CSMD1: variants seen among roughly 807,000 people sequenced by gnomAD.
CSMD1 encodes CUB and Sushi multiple domains 1, also known as CUB and sushi domain-containing protein 1.
CSMD1 carries 213 observed loss-of-function variants against 417.5 expected under a neutral mutation model. The ratio of observed to expected loss-of-function variants is 0.51; its 90% confidence interval spans 0.46 to 0.57. The LOEUF (loss-of-function observed/expected upper bound fraction) is 0.57. CSMD1 is among the 20% of genes least tolerant of loss of function. CSMD1 has a pLI of 0.00. For synonymous variants in CSMD1, 2,862 were observed against 1,736.8 expected, an observed-to-expected ratio of 1.65 and a Z score of -16.11; for missense variants, 6,923 against 4,529.7, an observed-to-expected ratio of 1.53 and a Z score of -15.17.
In CSMD1 at chr8:4,473,314, A is replaced by G. The variant is rs1358508459; in HGVS notation, c.303-53249T>C. Among the ~76,000 whole-genome samples, 5 of 152,302 alleles carry G rather than the reference A, an allele frequency of 3.3e-5. No individual in the cohort carries two copies. In the East Asian group the frequency reaches 9.6e-4, roughly 29 times the overall value. On this transcript the variant is annotated intron_variant, in intron 2 of 69. Coordinates refer to ENST00000635120, the MANE Select transcript of CSMD1 (RefSeq NM_033225.6). ...ACAATCAATGTGAGTTCTTAACACA[A>G]AAGGAGGGAAAATCAGCAGAGACAA... is the stretch of plus-strand genomic sequence containing the variant.
At chr8:4,824,075 T>C (rs1717142400) in intron 1 of CSMD1, among the ~76,000 whole-genome samples, 1 of 122,572 alleles carries the variant, frequency 8.2e-6, no homozygotes, top group Non-Finnish European at 1.7e-5. Context: ...CATACACAAA[T>C]AAATATCCAC....
chr8:4,613,723 G>A (rs1039599592), intron 2 of CSMD1, among the ~76,000 whole-genome samples: 3 of 152,016 alleles, frequency 2.0e-5, no homozygotes, highest in South Asian at 2.1e-4. Flanking sequence ...GAAAAAAATA[G>A]AAGACTGAAT....
intron 26 of CSMD1, among the ~76,000 whole-genome samples, chr8:3,277,069 A>G (rs906116812): frequency 1.1e-4 from 17 of 152,216 alleles, no homozygotes; most frequent in Admixed American, 5.2e-4. Flanking sequence ...AAGGCGGGGA[A>G]GGTCAGTCCA....
intron 1 of CSMD1, among the ~76,000 whole-genome samples, chr8:4,650,656 TA>T (rs3990383): frequency 0.046 from 6,819 of 148,508 alleles, 393 homozygotes; most frequent in African/African-American, 0.13. Flanking sequence ...GGCCTTGAGT[TA>T]AAAAAAAAAA....
intron 3 of CSMD1, among the ~76,000 whole-genome samples, chr8:4,359,943 C>G (rs145851926): frequency 2.2e-4 from 34 of 152,292 alleles, no homozygotes; most frequent in African/African-American, 7.5e-4. Context: ...GAATGCTTCC[C>G]TACTGGAGAT....
chr8:3,220,338 C>T (rs1186755209), intron 28 of CSMD1, among the ~76,000 whole-genome samples: 1 of 152,078 alleles, frequency 6.6e-6, no homozygotes, highest in Admixed American at 6.5e-5. Context: ...CTAATATTAA[C>T]ATACAGTCAG....
At chr8:4,371,145 T>C (rs1190596398) in intron 3 of CSMD1, among the ~76,000 whole-genome samples, 1 of 152,158 alleles carries the variant, frequency 6.6e-6, no homozygotes, top group African/African-American at 2.4e-5. Flanking sequence ...GTAGAACAAG[T>C]TGGGTATAGC....
intron 68 of CSMD1, among the ~76,000 whole-genome samples, chr8:2,947,922 A>G (rs1465769484): frequency 6.7e-6 from 1 of 148,406 alleles, no homozygotes; most frequent in Non-Finnish European, 1.5e-5. Context: ...TTTATGATTA[A>G]TTATCCTTTT....
chr8:3,899,577 TTC>T (rs1421419207), intron 5 of CSMD1, among the ~76,000 whole-genome samples: 3 of 152,186 alleles, frequency 2.0e-5, no homozygotes, highest in African/African-American at 7.2e-5. Context: ...GTTGTAAAAT[TTC>T]TGTTTCTCAA....
At chr8:4,153,151 G>A (rs1465389292) in intron 3 of CSMD1, among the ~76,000 whole-genome samples, 4 of 152,164 alleles carry the variant, frequency 2.6e-5, no homozygotes, top group Non-Finnish European at 4.4e-5. Flanking sequence ...AATCTTGACT[G>A]TGGTGACCAT....
At chr8:4,563,063 G>A (rs1798420855) in intron 2 of CSMD1, among the ~76,000 whole-genome samples, 1 of 152,074 alleles carries the variant, frequency 6.6e-6, no homozygotes, top group Non-Finnish European at 1.5e-5. Context: ...CTCCAAATTT[G>A]GGAGATTTCT....
At chr8:3,519,087 G>C (rs552831233) in intron 10 of CSMD1, among the ~76,000 whole-genome samples, 3 of 152,228 alleles carry the variant, frequency 2.0e-5, no homozygotes, top group Non-Finnish European at 4.4e-5. Flanking sequence ...TTTGACTTTT[G>C]TGCCTCACTG....
intron 25 of CSMD1, among the ~76,000 whole-genome samples, chr8:3,301,770 C>G (rs554396028): frequency 6.6e-6 from 1 of 151,974 alleles, no homozygotes; most frequent in Admixed American, 6.6e-5. Flanking sequence ...TGTCAACGTA[C>G]AGTGAGGGTA....
intron 41 of CSMD1, among the ~76,000 whole-genome samples, chr8:3,130,752 G>A (rs565163753): frequency 3.3e-5 from 5 of 151,916 alleles, no homozygotes; most frequent in South Asian, 4.2e-4. Flanking sequence ...CCAGGCCCCC[G>A]CTCACAACCT....
chr8:4,095,959 G>A (rs1312298060), intron 3 of CSMD1, among the ~76,000 whole-genome samples: 2 of 152,138 alleles, frequency 1.3e-5, no homozygotes, highest in Non-Finnish European at 2.9e-5. Flanking sequence ...ATGCCTAAAA[G>A]AAGGACAAAA....
chr8:3,976,951 G>T (rs1813479759), intron 5 of CSMD1, among the ~76,000 whole-genome samples: 1 of 152,180 alleles, frequency 6.6e-6, no homozygotes, highest in African/African-American at 2.4e-5. Context: ...TTGTCACAGG[G>T]CATAGTACAC....
At chr8:4,282,951 C>G (rs1796868329) in intron 3 of CSMD1, among the ~76,000 whole-genome samples, 1 of 152,164 alleles carries the variant, frequency 6.6e-6, no homozygotes, top group Non-Finnish European at 1.5e-5. Context: ...TGACCCTACA[C>G]TTTTCAGTCT....
chr8:4,343,870 C>T (rs1255843204), intron 3 of CSMD1, among the ~76,000 whole-genome samples: 1 of 152,092 alleles, frequency 6.6e-6, no homozygotes, highest in South Asian at 2.1e-4. Flanking sequence ...GCATATGGCC[C>T]TGGTCAACTC....
At chr8:3,824,357 C>G (rs1041522215) in intron 5 of CSMD1, among the ~76,000 whole-genome samples, 5 of 152,264 alleles carry the variant, frequency 3.3e-5, no homozygotes, top group Non-Finnish European at 5.9e-5. Flanking sequence ...CAAAGTTTGT[C>G]AAATGACGGC....
Sources: allele counts gnomAD v4.1 joint callset (sites outside exome capture counted in the v4.1 genomes callset), GRCh38; gene constraint gnomAD v4.1.1; transcripts MANE v1.5; gene names NCBI Gene and HGNC (gene_info 2026-07-23, HGNC 2026-07-21).